Variants in TAP2 observed in about 807,000 individuals in gnomAD.
TAP2 encodes the protein transporter 2, ATP binding cassette subfamily B member, also known as antigen peptide transporter 2.
In TAP2, 49 loss-of-function variants were observed where a neutral mutation model predicts 74.7. That is an observed-to-expected ratio of 0.66 (90% CI 0.52 to 0.83). TAP2 has a LOEUF of 0.83. Ranked by LOEUF, TAP2 falls within the 40% of genes least tolerant of loss-of-function variation. The probability of loss-of-function intolerance (pLI) is 0.00; values close to 1 mark genes in which losing one functional copy is unlikely to be tolerated. For synonymous variants in TAP2, 306 were observed against 368.4 expected (o/e 0.83, Z 1.94); for missense variants, 739 against 859.0 (o/e 0.86, Z 1.75).
At chr6:32,837,700 C>T in intron 2 of TAP2, 41 bp downstream of exon 2, 1 of 1,614,148 alleles carries the variant, frequency 6.2e-7, no homozygotes, top group Non-Finnish European at 8.5e-7. Flanking sequence ...TGCCCAGGCC[C>T]TTTTACCACC....
chr6:32,827,527 G>A lies in TAP2; in HGVS notation c.*1379C>T, dbSNP rs1187237065. ...AACCGCACAGTGATAGAAGCACATG[G>A]AGAGTTCCCCAGACTGACGACATAA... On this transcript the variant is annotated 3_prime_UTR_variant, in exon 12 of 12. Transcript: ENST00000374897. The A allele has an allele frequency of 2.0e-5, 6 of 306,622 alleles. No individual in the cohort carries two copies. The highest frequency in any genetic ancestry group is 2.9e-5 in the Non-Finnish European group (6 of 210,132). 19.0% of individuals were successfully genotyped at this position (306,622 alleles called of 1,614,324 possible). A position where few individuals can be genotyped will look rare whatever the true frequency, so the allele number is the denominator to read the frequency against.
At position 32,826,348 on chromosome 6, in the gene TAP2, T is replaced by C; in HGVS notation, c.*2558A>G. ...CAAGCTTTCCCCTCTCCATTCATAC[T>C]TTCCTTTAGAAAGAATAAGGCATGC... On this transcript the variant is annotated 3_prime_UTR_variant, in exon 12 of 12. Coordinates refer to ENST00000374897, the MANE Select transcript of TAP2 (RefSeq NM_001290043.2). 1.0e-6 allele frequency: 1 copy of C among 985,410 alleles called. No individual in the cohort carries two copies. The highest frequency in any genetic ancestry group is 1.2e-6 in the Non-Finnish European group (1 of 829,948). 61.0% of individuals were successfully genotyped at this position (985,410 alleles called of 1,614,324 possible).
downstream of TAP2, among the ~76,000 whole-genome samples, chr6:32,824,765 A>C (rs1004243701): frequency 9.2e-5 from 14 of 152,250 alleles, no homozygotes; most frequent in Non-Finnish European, 1.9e-4. Flanking sequence ...GAAGGTAATC[A>C]ATATCTCTAC....
intron 5 of TAP2, among the ~76,000 whole-genome samples, chr6:32,834,476 G>A (rs951788536): frequency 3.9e-5 from 6 of 152,200 alleles, no homozygotes; most frequent in Non-Finnish European, 7.3e-5. Context: ...GGTTGCCAGC[G>A]GCCAGGGGTT....
At position 32,830,001 on chromosome 6, in the gene TAP2, T is replaced by G; in HGVS notation, c.1724A>C (p.Lys575Thr). The change falls in exon 10 of 12, where the codon AAG becomes ACG. Residue 575 changes from lysine (K) to threonine (T), a missense_variant. Coordinates refer to ENST00000374897, the MANE Select transcript of TAP2 (RefSeq NM_001290043.2). The stretch of plus-strand genomic sequence containing the variant: ...GGCAGCCTGGGCAGCCGCCATCACC[T>G]TATCATCTTCGCAGCTCTGCAGCCC... ...AYGLQSCEDD[K>T]VMAAAQAAHA... is the part of the protein sequence containing the mutation. 6.2e-7 allele frequency: 1 copy of G among 1,613,138 alleles called. No homozygotes were observed. Among genetic ancestry groups the G allele is most frequent in the Non-Finnish European group, 8.5e-7 (1 of 1,180,014 alleles).
Position 32,828,477 on chromosome 6 carries a change from A to G in TAP2, c.*429T>C. The G allele has an allele frequency of 1.0e-6, 1 of 978,306 alleles. No homozygotes were observed. The highest frequency in any genetic ancestry group is 1.2e-6 in the Non-Finnish European group (1 of 823,218). The allele number at this position is 978,306 out of a possible 1,614,324, so 60.6% of individuals were successfully genotyped here. A position where few individuals can be genotyped will look rare whatever the true frequency, so the allele number is the denominator to read the frequency against. On this transcript the variant is annotated 3_prime_UTR_variant, in exon 12 of 12. Coordinates refer to ENST00000374897, the MANE Select transcript of TAP2 (RefSeq NM_001290043.2). ...AGGCAGCAAAATAGCAACTATGGTT[A>G]TCTCCAGGAAGTGAAACAATGGGTA... is the stretch of plus-strand genomic sequence containing the variant.
Position 32,828,550 on chromosome 6 carries a change from TA to T in TAP2, c.*355del. 1 of 984,696 alleles carries T rather than the reference TA, an allele frequency of 1.0e-6. No individual in the cohort carries two copies. Among genetic ancestry groups the T allele is most frequent in the Non-Finnish European group, 1.2e-6 (1 of 826,702 alleles). The allele number at this position is 984,696 out of a possible 1,614,324, so 61.0% of individuals were successfully genotyped here. On this transcript the variant is annotated 3_prime_UTR_variant, in exon 12 of 12. Coordinates refer to ENST00000374897, the MANE Select transcript of TAP2 (RefSeq NM_001290043.2). The stretch of plus-strand genomic sequence containing the variant: ...TTTTTTATATTGTCTAAATTTTCTA[TA>T]TGAATGTATACAGTTCATGTAAGAA...
Position 32,837,488 on chromosome 6 carries a change from C to T in TAP2, c.608+49G>A, listed in dbSNP as rs55846709. On this transcript the variant is annotated intron_variant, in intron 3 of 11. Coordinates refer to ENST00000374897, the MANE Select transcript of TAP2 (RefSeq NM_001290043.2). ...AAATGGAGTTAGGGAAGTGAAGACCCCTATAAAGATTTGGGGCTAGCAAAT... is the reference window on the plus strand; with the variant it reads ...AAATGGAGTTAGGGAAGTGAAGACCTCTATAAAGATTTGGGGCTAGCAAAT... 1.5e-3 allele frequency: 2,265 copies of T among 1,499,574 alleles called. 8 individuals carry two copies. Among genetic ancestry groups the T allele is most frequent in the Non-Finnish European group, 2.0e-3 (2,147 of 1,082,412 alleles). The allele number at this position is 1,499,574 out of a possible 1,614,324, so 92.9% of individuals were successfully genotyped here. A position where few individuals can be genotyped will look rare whatever the true frequency, so the allele number is the denominator to read the frequency against.
downstream of TAP2, among the ~76,000 whole-genome samples, chr6:32,824,842 G>T (rs1768530945): frequency 6.6e-6 from 1 of 152,002 alleles, no homozygotes; most frequent in African/African-American, 2.4e-5. Flanking sequence ...CATGTCACTT[G>T]TGGTTGCTCT....
In TAP2 at chr6:32,827,779, G is replaced by C. The variant is rs1378350910; in HGVS notation, c.*1127C>G. On this transcript the variant is annotated 3_prime_UTR_variant, in exon 12 of 12. Transcript: ENST00000374897. ...TCTGCAGCAGGGCTTGAGAGCACCT[G>C]AAGGAATTTCCAGAAATGCCATCAT... is the stretch of plus-strand genomic sequence containing the variant. 2 of 920,152 alleles carry C rather than the reference G, an allele frequency of 2.2e-6. No homozygotes were observed. The highest frequency in any genetic ancestry group is 1.8e-5 in the African/African-American group (1 of 55,574). The allele number at this position is 920,152 out of a possible 1,614,324, so 57.0% of individuals were successfully genotyped here.
At chr6:32,822,039 C>T, downstream of TAP2, 1 of 483,156 alleles carries the variant, frequency 2.1e-6, no homozygotes. Context: ...ACTCATGATC[C>T]CACCTAGTGA....
Position 32,828,281 on chromosome 6 carries a change from C to T in TAP2, c.*625G>A, listed in dbSNP as rs2071545. On this transcript the variant is annotated 3_prime_UTR_variant, in exon 12 of 12. Coordinates refer to ENST00000374897, the MANE Select transcript of TAP2 (RefSeq NM_001290043.2). ...TAAATGGTAGCTGTTACCAATGTCG[C>T]TATTAATACTGTTAATCAGGGAACT... The T allele has an allele frequency of 0.25, 246,489 of 981,594 alleles. 32,202 individuals carry two copies. Among genetic ancestry groups the T allele is most frequent in the South Asian group, 0.41 (8,638 of 21,186 alleles). 60.8% of individuals were successfully genotyped at this position (981,594 alleles called of 1,614,324 possible).
chr6:32,837,677 A>G, intron 2 of TAP2, 26 bp from the exon 3 acceptor site: 1 of 1,614,112 alleles, frequency 6.2e-7, no homozygotes, highest in Non-Finnish European at 8.5e-7. Flanking sequence ...AAAATAACAC[A>G]AGAATGTGCT....
intron 9 of TAP2, 38 bp downstream of exon 9, chr6:32,830,229 C>T (rs763865893): frequency 1.9e-6 from 3 of 1,612,910 alleles, no homozygotes; most frequent in Admixed American, 3.3e-5. Context: ...TGTACATGCT[C>T]CCCTCTCCTG....
chr6:32,826,314 TCA>T lies in TAP2; in HGVS notation c.*2590_*2591del. ...GTGTTTTGGCATCCAAGGAAATCTA[TCA>T]GTTTCCCAAGCTTTCCCCTCTCCAT... On this transcript the variant is annotated 3_prime_UTR_variant, in exon 12 of 12. Coordinates refer to ENST00000374897, the MANE Select transcript of TAP2 (RefSeq NM_001290043.2). 1.0e-6 allele frequency: 1 copy of T among 985,428 alleles called. No individual in the cohort carries two copies. The highest frequency in any genetic ancestry group is 1.2e-6 in the Non-Finnish European group (1 of 829,948). The allele number at this position is 985,428 out of a possible 1,614,324, so 61.0% of individuals were successfully genotyped here.
chr6:32,828,484 G>A lies in TAP2; in HGVS notation c.*422C>T. 1 of 976,014 alleles carries A rather than the reference G, an allele frequency of 1.0e-6. No individual in the cohort carries two copies. Among genetic ancestry groups the A allele is most frequent in the Non-Finnish European group, 1.2e-6 (1 of 821,210 alleles). 60.5% of individuals were successfully genotyped at this position (976,014 alleles called of 1,614,324 possible). A position where few individuals can be genotyped will look rare whatever the true frequency, so the allele number is the denominator to read the frequency against. The stretch of plus-strand genomic sequence containing the variant: ...AAAATAGCAACTATGGTTATCTCCA[G>A]GAAGTGAAACAATGGGTACTTTTAC... On this transcript the variant is annotated 3_prime_UTR_variant, in exon 12 of 12. Coordinates refer to ENST00000374897, the MANE Select transcript of TAP2 (RefSeq NM_001290043.2).
At chr6:32,822,322 G>GAA (rs61021012), downstream of TAP2, 1,454 of 1,323,196 alleles carry the variant, frequency 1.1e-3, 9 homozygotes, top group East Asian at 0.024. Flanking sequence ...GGGTTTTCTA[G>GAA]AAAAAAAAAA....
chr6:32,838,029 G>T lies in TAP2; in HGVS notation c.205C>A (p.Leu69Ile), dbSNP rs1285512172. The change falls in exon 2 of 12, where the codon CTC (leucine) becomes ATC (isoleucine). Residue 69 changes from leucine (L) to isoleucine (I), a missense_variant. By Grantham distance (5) the Leu-to-Ile change is conservative. Transcript: ENST00000374897. ...LGFVGTLLLP[L>I]CLATPLTVSL... ...ACAGTCAGGGGGGTGGCCAGACAGA[G>T]CGGGAGCAGCAGTGTCCCCACAAAT... 1 of 1,612,462 alleles carries T rather than the reference G, an allele frequency of 6.2e-7. No homozygotes were observed. Among genetic ancestry groups the T allele is most frequent in the Admixed American group, 1.7e-5 (1 of 59,994 alleles).
Position 32,825,812 on chromosome 6 carries a change from A to T in TAP2, c.*3094T>A. The T allele has an allele frequency of 4.2e-6, 1 of 240,666 alleles. No individual in the cohort carries two copies. Among genetic ancestry groups the T allele is most frequent in the Non-Finnish European group, 6.7e-6 (1 of 149,098 alleles). The allele number at this position is 240,666 out of a possible 1,614,324, so 14.9% of individuals were successfully genotyped here. A position where few individuals can be genotyped will look rare whatever the true frequency, so the allele number is the denominator to read the frequency against. On this transcript the variant is annotated 3_prime_UTR_variant, in exon 12 of 12. Transcript: ENST00000374897. The stretch of plus-strand genomic sequence containing the variant: ...AGCTGGGCAAGTCCACCTCTTCCTT[A>T]GCTATGTGACCCAGGCAAGTTAGTA...
Sources: gnomAD v4.1 joint callset for allele counts (sites outside exome capture counted in the v4.1 genomes callset) on GRCh38, gnomAD v4.1.1 for gene constraint, MANE v1.5 for transcripts, NCBI Gene and HGNC (gene_info 2026-07-23, HGNC 2026-07-21) for gene names.